PMFBP1: variants seen among roughly 807,000 people sequenced by gnomAD.
PMFBP1 encodes polyamine-modulated factor 1-binding protein 1.
A neutral mutation model predicts 137.8 loss-of-function variants in PMFBP1; 131 were observed. The ratio of observed to expected loss-of-function variants is 0.95; its 90% CI spans 0.82 to 1.10. PMFBP1 has a LOEUF of 1.10. PMFBP1 is among the 50% of genes least tolerant of loss of function. The pLI is 0.00. For missense variants in PMFBP1, 1,199 were observed against 1,175.4 expected, an observed-to-expected ratio of 1.02 and a Z score of -0.29; for synonymous variants, 490 against 450.4, an observed-to-expected ratio of 1.09 and a Z score of -1.11.
At chr16:72,159,588 G>C (rs899388297) in intron 3 of PMFBP1, among the ~76,000 whole-genome samples, 1 of 152,186 alleles carries the variant, frequency 6.6e-6, no homozygotes, top group African/African-American at 2.4e-5. Flanking sequence ...GCACACTATA[G>C]ATATCAATGG....
chr16:72,157,260 C>T (rs556986182), intron 3 of PMFBP1, among the ~76,000 whole-genome samples: 18 of 147,532 alleles, frequency 1.2e-4, no homozygotes, highest in African/African-American at 2.3e-4. Flanking sequence ...ATGGGGAGAG[C>T]GAAAACTAAG....
At chr16:72,195,811 TGGCCAGGGCCGTCCTGGGCTG>T in the PMFBP1 span, among the ~76,000 whole-genome samples, 1 of 152,252 alleles carries the variant, frequency 6.6e-6, no homozygotes, top group Admixed American at 6.5e-5. Flanking sequence ...GAGCTAGGCT[TGGCCAGGGCCGTCCTGGGCTG>T]GGGGTCCTGC....
the PMFBP1 span, among the ~76,000 whole-genome samples, chr16:72,205,295 G>C: frequency 2.6e-5 from 4 of 152,268 alleles, no homozygotes; most frequent in African/African-American, 9.6e-5. Context: ...GGCAGCAAGA[G>C]GCAGCACGTC....
intron 19 of PMFBP1, among the ~76,000 whole-genome samples, chr16:72,120,961 T>C (rs933354016): frequency 3.9e-5 from 6 of 152,204 alleles, no homozygotes; most frequent in African/African-American, 7.2e-5. Context: ...ACACAGCAAA[T>C]AATATGTATT....
At chr16:72,119,407 G>A in intron 20 of PMFBP1, 53 bp from the exon 21 acceptor site, 1 of 1,614,052 alleles carries the variant, frequency 6.2e-7, no homozygotes, top group Non-Finnish European at 8.5e-7. Context: ...AATTAACGAG[G>A]TGATTCCTCA....
the PMFBP1 span, among the ~76,000 whole-genome samples, chr16:72,189,226 A>G: frequency 6.6e-6 from 1 of 152,216 alleles, no homozygotes; most frequent in African/African-American, 2.4e-5. Flanking sequence ...GAGGTTAAGT[A>G]ATGTTCCCAA....
the PMFBP1 span, among the ~76,000 whole-genome samples, chr16:72,191,992 T>C: frequency 3.3e-5 from 5 of 152,222 alleles, no homozygotes; most frequent in Admixed American, 3.3e-4. Flanking sequence ...TGAAGCAGAA[T>C]GATCAAATGC....
Position 72,130,672 on chromosome 16 carries a change from G to A in PMFBP1, c.1498C>T (p.Leu500=). 4 of 1,613,860 alleles carry A rather than the reference G, an allele frequency of 2.5e-6. No individual in the cohort carries two copies. The highest frequency in any genetic ancestry group is 3.4e-6 in the Non-Finnish European group (4 of 1,179,996). The change falls in exon 11 of 21, where the codon CTG becomes TTG. Residue 500 remains leucine (L), a synonymous_variant. Coordinates refer to ENST00000237353, the MANE Select transcript of PMFBP1 (RefSeq NM_031293.3). ...TGCAGTTTCCTCTGGGTGTCCTCCAGGTGACAGCCTGCCAGTGCAGCCTCT... is the reference window on the plus strand; with the variant it reads ...TGCAGTTTCCTCTGGGTGTCCTCCAAGTGACAGCCTGCCAGTGCAGCCTCT... ...KEEAALAGCH[L]EDTQRKLQKG... is the part of the protein sequence containing the mutation.
chr16:72,170,015 A>G (rs2043198805), intron 2 of PMFBP1, among the ~76,000 whole-genome samples: 1 of 140,294 alleles, frequency 7.1e-6, no homozygotes, highest in African/African-American at 2.6e-5. Flanking sequence ...TTTTATTGGC[A>G]CCTGGGCAAT....
the PMFBP1 span, among the ~76,000 whole-genome samples, chr16:72,219,247 A>G: frequency 1.3e-5 from 2 of 152,110 alleles, no homozygotes; most frequent in East Asian, 3.9e-4. Flanking sequence ...CAAGGAGGAG[A>G]GAATCGCTGT....
chr16:72,137,428 G>A (rs2042648837), intron 7 of PMFBP1, among the ~76,000 whole-genome samples: 1 of 152,198 alleles, frequency 6.6e-6, no homozygotes, highest in Admixed American at 6.5e-5. Context: ...AAACAGAAGA[G>A]CGAAGGGGAA....
At chr16:72,123,450 G>T in intron 18 of PMFBP1, 96 bp downstream of exon 18, 1 of 1,011,440 alleles carries the variant, frequency 9.9e-7, no homozygotes, top group Non-Finnish European at 1.5e-6. Context: ...TTTTCCAGGA[G>T]TGCAGGGGTG....
chr16:72,165,769 C>T (rs1243471185), intron 2 of PMFBP1, among the ~76,000 whole-genome samples: 1 of 152,088 alleles, frequency 6.6e-6, no homozygotes, highest in East Asian at 1.9e-4. Flanking sequence ...AAGTGAAATC[C>T]CTGGGCTGGT....
At chr16:72,248,870 T>C in the PMFBP1 span, among the ~76,000 whole-genome samples, 3 of 152,186 alleles carry the variant, frequency 2.0e-5, no homozygotes, top group African/African-American at 7.2e-5. Flanking sequence ...ATCTCTTCCA[T>C]GTGTGAGATC....
At chr16:72,242,215 A>C in the PMFBP1 span, among the ~76,000 whole-genome samples, 3 of 152,266 alleles carry the variant, frequency 2.0e-5, no homozygotes, top group South Asian at 4.1e-4. Context: ...GGGATCAGAC[A>C]GCAAGACAAT....
chr16:72,211,353 T>C, the PMFBP1 span, among the ~76,000 whole-genome samples: 3 of 152,180 alleles, frequency 2.0e-5, no homozygotes, highest in Admixed American at 6.5e-5. Context: ...GTTTCTTCTC[T>C]GAATAAACTA....
the PMFBP1 span, among the ~76,000 whole-genome samples, chr16:72,235,285 A>T: frequency 6.6e-6 from 1 of 152,136 alleles, no homozygotes; most frequent in African/African-American, 2.4e-5. Context: ...TTCTTTCCTC[A>T]TTGAATTGTC....
intron 3 of PMFBP1, among the ~76,000 whole-genome samples, chr16:72,163,104 C>T: frequency 6.6e-6 from 1 of 152,220 alleles, no homozygotes; most frequent in East Asian, 1.9e-4. Flanking sequence ...TGACCACAAA[C>T]AGTGAAGAAC....
intron 2 of PMFBP1, among the ~76,000 whole-genome samples, chr16:72,167,813 C>T (rs1452585598): frequency 1.3e-5 from 2 of 152,248 alleles, no homozygotes; most frequent in African/African-American, 4.8e-5. Context: ...GGCAGGGACC[C>T]TGACACCAGA....
Sources: gnomAD v4.1 joint callset for allele counts (sites outside exome capture counted in the v4.1 genomes callset) on GRCh38, gnomAD v4.1.1 for gene constraint, MANE v1.5 for transcripts, NCBI Gene and HGNC (gene_info 2026-07-23, HGNC 2026-07-21) for gene names.